The following NAV3 variants were observed in gnomAD, a reference collection of about 807,000 sequenced individuals.
The protein encoded by NAV3 is neuron navigator 3, also known as pore membrane and/or filament interacting like protein 1.
NAV3 carries 87 observed loss-of-function variants against 244.7 expected under a neutral mutation model. The ratio of observed to expected loss-of-function variants is 0.36; its 90% CI spans 0.30 to 0.42. NAV3 has a LOEUF of 0.42. Among genes scored for constraint, NAV3 ranks in the 20% least tolerant of loss-of-function variants. The pLI, the probability that NAV3 is intolerant of heterozygous loss-of-function variation, is 1.00. For synonymous variants in NAV3, 1,126 were observed against 1,042.2 expected (o/e 1.08, Z -1.55); for missense variants, 2,663 against 2,893.3 (o/e 0.92, Z 1.83).
chr12:78,010,475 CT>C (rs1875074436), intron 8 of NAV3, among the ~76,000 whole-genome samples: 1 of 152,050 alleles, frequency 6.6e-6, no homozygotes, highest in Non-Finnish European at 1.5e-5. Flanking sequence ...TCATCATGAA[CT>C]CATGAGAAAA....
chr12:77,602,731 TG>T (rs1371120619), intron 2 of NAV3, among the ~76,000 whole-genome samples: 1 of 152,028 alleles, frequency 6.6e-6, no homozygotes, highest in East Asian at 1.9e-4. Flanking sequence ...TTTAACTTCA[TG>T]GCATAAATTA....
chr12:77,906,931 T>G (rs751100779), intron 1 of NAV3, among the ~76,000 whole-genome samples: 5 of 152,128 alleles, frequency 3.3e-5, no homozygotes. Flanking sequence ...CATTACTTAA[T>G]AGTTACATCT....
At chr12:78,030,724 T>C (rs1878834095) in intron 9 of NAV3, among the ~76,000 whole-genome samples, 1 of 151,994 alleles carries the variant, frequency 6.6e-6, no homozygotes, top group Admixed American at 6.6e-5. Flanking sequence ...TAGATAAAAT[T>C]TAACACCACA....
chr12:78,208,563 A>T (rs1373902071), intron 39 of NAV3, among the ~76,000 whole-genome samples: 1 of 152,214 alleles, frequency 6.6e-6, no homozygotes, highest in Non-Finnish European at 1.5e-5. Flanking sequence ...TTGAATGCAC[A>T]AAATAATACT....
Position 77,831,436 on chromosome 12 carries a change from A to C in NAV3, c.-26A>C. 6.4e-7 allele frequency: 1 copy of C among 1,562,698 alleles called. No homozygotes were observed. The highest frequency in any genetic ancestry group is 2.3e-5 in the East Asian group (1 of 44,268). On this transcript the variant is annotated 5_prime_UTR_variant, in exon 1 of 40. Coordinates refer to ENST00000397909, the MANE Select transcript of NAV3 (RefSeq NM_001024383.2). ...TGAGGTTAGAAGCATTTTCTTTGGC[A>C]GCAAGAAGATAATTTTATAGAAGCC... is the stretch of plus-strand genomic sequence containing the variant.
At chr12:77,842,578 A>G (rs916774808) in intron 1 of NAV3, among the ~76,000 whole-genome samples, 2 of 150,634 alleles carry the variant, frequency 1.3e-5, no homozygotes, top group African/African-American at 2.4e-5. Context: ...ATGATGCCAA[A>G]TAGGTGACTG....
At chr12:77,693,464 A>G (rs1292023762) in intron 2 of NAV3, among the ~76,000 whole-genome samples, 1 of 151,916 alleles carries the variant, frequency 6.6e-6, no homozygotes, top group East Asian at 1.9e-4. Flanking sequence ...TTGAATGACT[A>G]CTTTGTGAAG....
chr12:77,723,847 CAG>C (rs1299856755), intron 2 of NAV3, among the ~76,000 whole-genome samples: 31 of 134,014 alleles, frequency 2.3e-4, no homozygotes, highest in African/African-American at 8.5e-4. Context: ...GCAACTTAAA[CAG>C]TAAGTCCTTG....
At chr12:78,062,104 T>C (rs1884410921) in intron 12 of NAV3, among the ~76,000 whole-genome samples, 1 of 152,174 alleles carries the variant, frequency 6.6e-6, no homozygotes, top group Admixed American at 6.6e-5. Context: ...TGCAGTCACA[T>C]AAGTAATTAC....
chr12:77,848,497 T>C (rs1876989704), intron 1 of NAV3, among the ~76,000 whole-genome samples: 1 of 152,218 alleles, frequency 6.6e-6, no homozygotes, highest in African/African-American at 2.4e-5. Context: ...AAATGCTTAA[T>C]GGGAAAAATC....
At chr12:77,750,399 G>C (rs1350662334) in intron 2 of NAV3, among the ~76,000 whole-genome samples, 10 of 152,028 alleles carry the variant, frequency 6.6e-5, no homozygotes, top group Non-Finnish European at 1.3e-4. Flanking sequence ...ACCTCTGTTG[G>C]CTTGCACTTG....
chr12:77,958,970 A>G (rs1248067057), intron 3 of NAV3, among the ~76,000 whole-genome samples: 1 of 152,210 alleles, frequency 6.6e-6, no homozygotes, highest in Non-Finnish European at 1.5e-5. Context: ...TCTTTGTATT[A>G]CTGCTATAAA....
At chr12:77,662,717 A>G (rs1771675447) in intron 2 of NAV3, among the ~76,000 whole-genome samples, 1 of 152,148 alleles carries the variant, frequency 6.6e-6, no homozygotes, top group South Asian at 2.1e-4. Flanking sequence ...TGATGATTAT[A>G]TATTTACATT....
intron 2 of NAV3, among the ~76,000 whole-genome samples, chr12:77,622,392 C>G (rs1384654421): frequency 6.6e-6 from 1 of 152,016 alleles, no homozygotes; most frequent in Non-Finnish European, 1.5e-5. Context: ...ATCTCCTGAC[C>G]TTGTGATCTG....
chr12:78,128,706 A>G lies in NAV3; in HGVS notation c.4281A>G (p.Arg1427=). The change falls in exon 18 of 40, where the codon AGA becomes AGG. Residue 1427 remains arginine (R), a splice_region_variant and synonymous_variant. Transcript: ENST00000397909. The stretch of plus-strand genomic sequence containing the variant: ...GTGTCATAGCTGTGCTGTTTTGCAG[A>G]TATACCCCATCATCTCGGCAGGCCA... ...DRNTLPKKGL[R]YTPSSRQANQ... 6.2e-7 allele frequency: 1 copy of G among 1,613,498 alleles called. No individual in the cohort carries two copies. The highest frequency in any genetic ancestry group is 8.5e-7 in the Non-Finnish European group (1 of 1,179,746).
chr12:78,064,848 C>T (rs1208352178), intron 12 of NAV3, among the ~76,000 whole-genome samples: 1 of 151,962 alleles, frequency 6.6e-6, no homozygotes, highest in Non-Finnish European at 1.5e-5. Flanking sequence ...TTGTAAATTG[C>T]TGCCTTTGGA....
At chr12:77,974,940 T>C (rs1454638906) in intron 5 of NAV3, among the ~76,000 whole-genome samples, 2 of 152,222 alleles carry the variant, frequency 1.3e-5, no homozygotes, top group Admixed American at 6.5e-5. Context: ...TAAAATACGT[T>C]GACCCACATT....
intron 1 of NAV3, among the ~76,000 whole-genome samples, chr12:77,845,710 A>C (rs1360719174): frequency 6.7e-6 from 1 of 148,240 alleles, no homozygotes; most frequent in African/African-American, 2.5e-5. Context: ...CTGGAGTGCA[A>C]TGTCACGATC....
In NAV3 at chr12:77,936,571, A is replaced by G. The variant is rs577089971; in HGVS notation, c.244-3748A>G. Among the ~76,000 whole-genome samples, 9 of 152,316 alleles carry G rather than the reference A, an allele frequency of 5.9e-5. 1 individual carries two copies. The South Asian group carries it at 1.4e-3, about 25-fold the overall frequency. On this transcript the variant is annotated intron_variant, in intron 1 of 39. Coordinates refer to ENST00000397909, the MANE Select transcript of NAV3 (RefSeq NM_001024383.2). ...TTATACCAATTTCTTCACTAAAAAA[A>G]CTATAATTAATTCATAGCATAAGCC...
Sources: gnomAD v4.1 joint callset for allele counts (sites outside exome capture counted in the v4.1 genomes callset) on GRCh38, gnomAD v4.1.1 for gene constraint, MANE v1.5 for transcripts, NCBI Gene and HGNC (gene_info 2026-07-23, HGNC 2026-07-21) for gene names.